Variants in P2RY12 observed in about 807,000 individuals in gnomAD.
The protein encoded by P2RY12 is P2Y purinoceptor 12.
A neutral mutation model predicts 4.5 loss-of-function variants in P2RY12; 3 were observed. The ratio of observed to expected loss-of-function variants is 0.67; its 90% CI spans 0.31 to 1.74. P2RY12 has a LOEUF of 1.74. Among genes scored for constraint, P2RY12 ranks in the 40% most tolerant of loss-of-function variants. The probability of loss-of-function intolerance (pLI) is 0.09; values close to 1 mark genes in which losing one functional copy is unlikely to be tolerated. For missense variants in P2RY12, 356 were observed against 407.8 expected, an observed-to-expected ratio of 0.87 and a Z score of 1.09; for synonymous variants, 148 against 154.1, an observed-to-expected ratio of 0.96 and a Z score of 0.29.
At chr3:151,380,766 T>C (rs1712167206) in intron 1 of P2RY12, among the ~76,000 whole-genome samples, 2 of 152,192 alleles carry the variant, frequency 1.3e-5, no homozygotes, top group African/African-American at 4.8e-5. Flanking sequence ...AAAGTAAAAT[T>C]TTATATATTG....
In P2RY12 at chr3:151,368,609, T is replaced by C. The variant is rs147591052; in HGVS notation, c.-180+16083A>G. ...TGATTTATTTTATTTTATTTTATTTTATTTTATTTTATTTTATTTTATTTC... is the reference window on the plus strand; with the variant it reads ...TGATTTATTTTATTTTATTTTATTTCATTTTATTTTATTTTATTTTATTTC... On this transcript the variant is annotated intron_variant, in intron 1 of 2. Coordinates refer to ENST00000302632, the MANE Select transcript of P2RY12 (RefSeq NM_022788.5). Among the ~76,000 whole-genome samples the C allele has an allele frequency of 4.6e-3, 323 of 70,686 alleles. 7 individuals carry two copies. The highest frequency in any genetic ancestry group is 0.015 in the African/African-American group (251 of 16,810). The allele number at this position is 70,686 out of a possible 152,430, so 46.4% of individuals were successfully genotyped here. A position where few individuals can be genotyped will look rare whatever the true frequency, so the allele number is the denominator to read the frequency against.
At chr3:151,344,321 A>G (rs774518720) in intron 1 of P2RY12, among the ~76,000 whole-genome samples, 4 of 151,314 alleles carry the variant, frequency 2.6e-5, no homozygotes, top group Non-Finnish European at 5.9e-5. Context: ...AAAACCTGTT[A>G]ATTTCTTCAT....
intron 1 of P2RY12, among the ~76,000 whole-genome samples, chr3:151,345,517 C>CTTTTTTTTTTTTTTTTTTTT (rs201731496): frequency 3.0e-5 from 4 of 131,654 alleles, no homozygotes; most frequent in Non-Finnish European, 4.9e-5. Flanking sequence ...TTTTCTTTTT[C>CTTTTTTTTTTTTTTTTTTTT]TTTTTTTTTT....
At position 151,338,879 on chromosome 3, in the gene P2RY12, A is replaced by T; in HGVS notation, c.-14-20T>A. ...GGTTACCTAGAGAACAAAAGAGAGG[A>T]TGGTTATTTTCAGCCTAAGGTAGTT... is the stretch of plus-strand genomic sequence containing the variant. On this transcript the variant is annotated intron_variant, in intron 2 of 2. Transcript: ENST00000302632. The T allele has an allele frequency of 6.2e-7, 1 of 1,604,372 alleles. No homozygotes were observed. The highest frequency in any genetic ancestry group is 8.5e-7 in the Non-Finnish European group (1 of 1,171,572).
chr3:151,365,675 T>C lies in P2RY12; in HGVS notation c.-180+19017A>G, dbSNP rs549204251. 2.6e-5 allele frequency among the ~76,000 whole-genome samples: 4 copies of C among 152,366 alleles called. No individual in the cohort carries two copies. In the South Asian group the frequency reaches 8.3e-4, roughly 32 times the overall value. ...GCATTGTCAAAAATATTTGAAGCCA[T>C]TGTTATCTTCTTCTCAAGGTTCTAC... On this transcript the variant is annotated intron_variant, in intron 1 of 2. Transcript: ENST00000302632.
chr3:151,362,990 T>A (rs1283905374), intron 1 of P2RY12, among the ~76,000 whole-genome samples: 2 of 152,286 alleles, frequency 1.3e-5, no homozygotes, highest in East Asian at 3.9e-4. Flanking sequence ...GCCGTTTTTT[T>A]AATAGTGAAC....
At chr3:151,374,901 C>T (rs1166997451) in intron 1 of P2RY12, among the ~76,000 whole-genome samples, 1 of 152,044 alleles carries the variant, frequency 6.6e-6, no homozygotes, top group Non-Finnish European at 1.5e-5. Flanking sequence ...GGTTTATTCT[C>T]CCTCCCATAT....
Position 151,337,773 on chromosome 3 carries a change from G to A in P2RY12, c.*44C>T, listed in dbSNP as rs1751205877. 1 of 1,591,202 alleles carries A rather than the reference G, an allele frequency of 6.3e-7. No homozygotes were observed. Reference sequence around the variant, plus strand: ...TTTACTTAGCGCTTTGCTTTAACGAGTTCTGAACACAAAGAGATTGAAATA... The same window carrying A: ...TTTACTTAGCGCTTTGCTTTAACGAATTCTGAACACAAAGAGATTGAAATA... On this transcript the variant is annotated 3_prime_UTR_variant, in exon 3 of 3. Transcript: ENST00000302632.
chr3:151,355,338 C>T, intron 1 of P2RY12: 1 of 713,482 alleles, frequency 1.4e-6, no homozygotes, highest in Non-Finnish European at 2.4e-6. Context: ...TGGTTTTAGA[C>T]ATATATTTTA....
intron 1 of P2RY12, chr3:151,365,747 G>T (rs1445702887): frequency 4.8e-6 from 5 of 1,048,564 alleles, no homozygotes; most frequent in African/African-American, 4.8e-5. Flanking sequence ...CTAAGAAAAT[G>T]ACTTGTTTGA....
In P2RY12 at chr3:151,340,672, G is replaced by A. The variant is rs1461061405; in HGVS notation, c.-91C>T. 6.6e-6 allele frequency: 1 copy of A among 152,578 alleles called. No individual in the cohort carries two copies. Among genetic ancestry groups the A allele is most frequent in the Non-Finnish European group, 1.5e-5 (1 of 68,008 alleles). The allele number at this position is 152,578 out of a possible 1,614,324, so 9.5% of individuals were successfully genotyped here. ...ATTGCAACCTGCAGAGTGGCATCTG[G>A]TATTTTCCTTTTAATGTCTTAGTTT... On this transcript the variant is annotated 5_prime_UTR_variant, in exon 2 of 3. Transcript: ENST00000302632.
At chr3:151,382,793 T>G (rs1712624672) in intron 1 of P2RY12, 3 of 1,436,402 alleles carry the variant, frequency 2.1e-6, no homozygotes, top group Non-Finnish European at 2.9e-6. Context: ...TATTTACATG[T>G]GAAAATACCT....
intron 1 of P2RY12, among the ~76,000 whole-genome samples, chr3:151,364,495 C>T (rs1188739205): frequency 2.0e-5 from 3 of 152,120 alleles, no homozygotes; most frequent in Admixed American, 6.5e-5. Context: ...CACAGCTGTG[C>T]CATAGTCTCC....
intron 1 of P2RY12, among the ~76,000 whole-genome samples, chr3:151,362,657 A>AT (rs1754758059): frequency 6.6e-6 from 1 of 151,830 alleles, no homozygotes. Context: ...AGCTTTTTCT[A>AT]TTTTTTTCAC....
In P2RY12 at chr3:151,337,906, T is replaced by G; in HGVS notation, c.940A>C (p.Lys314Gln). The change falls in exon 3 of 3, where the codon AAG becomes CAG. Residue 314 changes from lysine to glutamine, a missense_variant. Transcript: ENST00000302632. ...SFRNSLISMLKCPNSATSLSQ... is the reference protein window; with the variant it reads ...SFRNSLISMLQCPNSATSLSQ... The stretch of plus-strand genomic sequence containing the variant: ...AGAGATGTTGCAGAATTGGGGCACT[T>G]CAGCATACTTATCAAGGAATTTCTG... 2 of 1,614,122 alleles carry G rather than the reference T, an allele frequency of 1.2e-6. No individual in the cohort carries two copies. Among genetic ancestry groups the G allele is most frequent in the Non-Finnish European group, 1.7e-6 (2 of 1,180,002 alleles).
Position 151,340,597 on chromosome 3 carries a change from T to C in P2RY12, c.-16A>G, listed in dbSNP as rs1751688491. 1 of 152,632 alleles carries C rather than the reference T, an allele frequency of 6.6e-6. No homozygotes were observed. The highest frequency in any genetic ancestry group is 2.4e-5 in the African/African-American group (1 of 41,462). The allele number at this position is 152,632 out of a possible 1,614,324, so 9.5% of individuals were successfully genotyped here. A position where few individuals can be genotyped will look rare whatever the true frequency, so the allele number is the denominator to read the frequency against. On this transcript the variant is annotated splice_region_variant and 5_prime_UTR_variant, in exon 2 of 3. Transcript: ENST00000302632. ...AAGTACTTGTAGAAATAACATTACC[T>C]GATAACTGTTGATTCTGGAGGGTTT...
intron 1 of P2RY12, chr3:151,372,886 G>A (rs890601511): frequency 1.0e-5 from 7 of 683,980 alleles, no homozygotes; most frequent in South Asian, 4.5e-5. Context: ...ACTTTATTTC[G>A]AAATAATTTT....
At chr3:151,347,497 C>G (rs748772772) in intron 1 of P2RY12, among the ~76,000 whole-genome samples, 22 of 152,266 alleles carry the variant, frequency 1.4e-4, no homozygotes, top group Non-Finnish European at 1.9e-4. Context: ...TCCCCTCCTT[C>G]TGTGGGGAGG....
chr3:151,353,395 A>G (rs2150036235), intron 1 of P2RY12, among the ~76,000 whole-genome samples: 1 of 152,352 alleles, frequency 6.6e-6, no homozygotes, highest in South Asian at 2.1e-4. Flanking sequence ...TGTACTTTTG[A>G]GAATAGACAT....
Sources: allele counts gnomAD v4.1 joint callset (sites outside exome capture counted in the v4.1 genomes callset), GRCh38; gene constraint gnomAD v4.1.1; transcripts MANE v1.5; gene names NCBI Gene and HGNC (gene_info 2026-07-23, HGNC 2026-07-21).